FIP1L1: variants seen among roughly 807,000 people sequenced by gnomAD.
The protein encoded by FIP1L1 is pre-mRNA 3'-end-processing factor FIP1.
FIP1L1 carries 21 observed loss-of-function variants against 84.6 expected under a neutral mutation model. The ratio of observed to expected loss-of-function variants is 0.25; its 90% CI spans 0.18 to 0.36. The LOEUF is 0.36. FIP1L1 is among the 10% of genes least tolerant of loss of function. The pLI, the probability that FIP1L1 is intolerant of heterozygous loss-of-function variation, is 1.00. For missense variants in FIP1L1, 526 were observed against 751.1 expected, an observed-to-expected ratio of 0.70 and a Z score of 3.50; for synonymous variants, 263 against 242.3, an observed-to-expected ratio of 1.09 and a Z score of -0.80.
At chr4:53,388,705 C>G (rs1742518611) in intron 5 of FIP1L1, among the ~76,000 whole-genome samples, 1 of 152,128 alleles carries the variant, frequency 6.6e-6, no homozygotes, top group South Asian at 2.1e-4. Context: ...TTCTAACTTC[C>G]CTAGTAACAG....
At chr4:53,418,479 T>C (rs1296566232) in intron 11 of FIP1L1, among the ~76,000 whole-genome samples, 3 of 152,348 alleles carry the variant, frequency 2.0e-5, no homozygotes, top group African/African-American at 7.2e-5. Context: ...TGGCATTTTA[T>C]TGGTGTAAGT....
chr4:53,382,147 T>G, intron 3 of FIP1L1, 131 bp from the exon 4 acceptor site: 1 of 605,276 alleles, frequency 1.7e-6, no homozygotes, highest in Non-Finnish European at 2.9e-6. Flanking sequence ...GACAGTCAGA[T>G]TTTACCATTA....
Position 53,382,164 on chromosome 4 carries a change from C to G in FIP1L1, c.171-114C>G, listed in dbSNP as rs1738424768. ...CAGTCAGATTTTACCATTACTGTCT[C>G]CAGTGGAGACAATAATTTTAGGAGC... On this transcript the variant is annotated intron_variant, in intron 3 of 17. Transcript: ENST00000337488. 10 of 693,712 alleles carry G rather than the reference C, an allele frequency of 1.4e-5. No individual in the cohort carries two copies. The East Asian group carries it at 2.7e-4, about 19-fold the overall frequency. 43.0% of individuals were successfully genotyped at this position (693,712 alleles called of 1,614,324 possible). A position where few individuals can be genotyped will look rare whatever the true frequency, so the allele number is the denominator to read the frequency against.
chr4:53,396,468 C>T (rs1009459126), intron 9 of FIP1L1, among the ~76,000 whole-genome samples: 16 of 151,326 alleles, frequency 1.1e-4, no homozygotes, highest in African/African-American at 3.6e-4. Context: ...TTCAGTGGCG[C>T]GATCTTGGCT....
At chr4:53,420,273 T>TA (rs1216514768) in intron 11 of FIP1L1, among the ~76,000 whole-genome samples, 79 of 106,796 alleles carry the variant, frequency 7.4e-4, no homozygotes, top group African/African-American at 2.5e-3. Flanking sequence ...AAAAAAAAAT[T>TA]AAAAAAAAAA....
At chr4:53,430,221 C>A (rs1765963736) in intron 13 of FIP1L1, among the ~76,000 whole-genome samples, 2 of 150,736 alleles carry the variant, frequency 1.3e-5, no homozygotes, top group South Asian at 4.2e-4. Flanking sequence ...TTAATGACAA[C>A]AAATACTTAG....
intron 10 of FIP1L1, among the ~76,000 whole-genome samples, chr4:53,404,600 A>G (rs1290433749): frequency 2.0e-5 from 3 of 150,876 alleles, no homozygotes; most frequent in South Asian, 2.1e-4. Flanking sequence ...GACTTCCACA[A>G]TGGTTGAACT....
chr4:53,408,335 T>C (rs1290001700), intron 10 of FIP1L1, among the ~76,000 whole-genome samples: 1 of 152,242 alleles, frequency 6.6e-6, no homozygotes, highest in African/African-American at 2.4e-5. Context: ...CACTCTCTTC[T>C]GGCTTGTAGA....
intron 3 of FIP1L1, among the ~76,000 whole-genome samples, chr4:53,380,270 A>G (rs1737124468): frequency 6.6e-6 from 1 of 152,256 alleles, no homozygotes; most frequent in Non-Finnish European, 1.5e-5. Flanking sequence ...TAAATGTGTT[A>G]TATCCATACA....
chr4:53,402,432 T>C (rs568617165), intron 10 of FIP1L1, among the ~76,000 whole-genome samples: 2 of 152,192 alleles, frequency 1.3e-5, no homozygotes, highest in Non-Finnish European at 2.9e-5. Context: ...CTGGGCACTG[T>C]AGCTCATGCC....
At chr4:53,441,168 T>C (rs2150215316) in intron 13 of FIP1L1, among the ~76,000 whole-genome samples, 1 of 152,068 alleles carries the variant, frequency 6.6e-6, no homozygotes, top group Admixed American at 6.5e-5. Context: ...TATTTATTTA[T>C]TTATTTTTAC....
At chr4:53,425,809 CT>C (rs1560548466) in intron 11 of FIP1L1, 62 bp from the exon 12 acceptor site, 2 of 1,184,638 alleles carry the variant, frequency 1.7e-6, no homozygotes, top group African/African-American at 3.1e-5. Context: ...TTTCTCACTG[CT>C]TTTATTATTT....
intron 9 of FIP1L1, among the ~76,000 whole-genome samples, chr4:53,394,604 G>T (rs1487098089): frequency 2.0e-5 from 3 of 151,954 alleles, no homozygotes; most frequent in Admixed American, 1.3e-4. Flanking sequence ...CTTTCTCATC[G>T]CTGACTTAGG....
chr4:53,377,708 T>G lies in FIP1L1; in HGVS notation c.-131T>G. The stretch of plus-strand genomic sequence containing the variant: ...CGCCGCTGCCGTCGCCTTCCTGGGA[T>G]TGGAGTCTCGAGCTTTCTTCGTTCG... On this transcript the variant is annotated 5_prime_UTR_variant, in exon 1 of 18. Coordinates refer to ENST00000337488, the MANE Select transcript of FIP1L1 (RefSeq NM_030917.4). 36 of 759,554 alleles carry G rather than the reference T, an allele frequency of 4.7e-5. No individual in the cohort carries two copies. Among genetic ancestry groups the G allele is most frequent in the Non-Finnish European group, 6.4e-5 (32 of 500,978 alleles). 47.1% of individuals were successfully genotyped at this position (759,554 alleles called of 1,614,324 possible).
chr4:53,386,473 A>G (rs1027859912), intron 5 of FIP1L1, among the ~76,000 whole-genome samples: 3 of 152,190 alleles, frequency 2.0e-5, no homozygotes, highest in African/African-American at 7.2e-5. Flanking sequence ...CATGTGAGTA[A>G]ATATTTTCAG....
At chr4:53,442,251 A>C (rs1772262327) in intron 13 of FIP1L1, 1 of 156,160 alleles carries the variant, frequency 6.4e-6, no homozygotes, top group Non-Finnish European at 1.4e-5. Context: ...TACTTCTAAA[A>C]CTCGAAATAT....
At chr4:53,450,479 G>A (rs1040487944) in intron 15 of FIP1L1, among the ~76,000 whole-genome samples, 7 of 152,072 alleles carry the variant, frequency 4.6e-5, no homozygotes, top group Non-Finnish European at 1.0e-4. Flanking sequence ...TTTGTTATGG[G>A]CAGTATCCTA....
At chr4:53,380,624 G>A (rs1315552117) in intron 3 of FIP1L1, among the ~76,000 whole-genome samples, 12 of 152,156 alleles carry the variant, frequency 7.9e-5, no homozygotes, top group African/African-American at 2.9e-4. Flanking sequence ...AATAGCTTAG[G>A]AGGAGCTGAA....
intron 10 of FIP1L1, among the ~76,000 whole-genome samples, chr4:53,407,436 G>C (rs1754260954): frequency 6.6e-6 from 1 of 152,018 alleles, no homozygotes; most frequent in Non-Finnish European, 1.5e-5. Context: ...CCATCTATGT[G>C]GTCAGTTTTG....
Sources: gnomAD v4.1 joint callset for allele counts (sites outside exome capture counted in the v4.1 genomes callset) on GRCh38, gnomAD v4.1.1 for gene constraint, MANE v1.5 for transcripts, NCBI Gene and HGNC (gene_info 2026-07-23, HGNC 2026-07-21) for gene names.